Variants in NBEA observed in about 807,000 individuals in gnomAD.
NBEA encodes the protein lysosomal-trafficking regulator 2.
A neutral mutation model predicts 343.4 loss-of-function variants in NBEA; 44 were observed. The ratio of observed to expected loss-of-function variants is 0.13; its 90% confidence interval spans 0.10 to 0.16. The LOEUF (loss-of-function observed/expected upper bound fraction) is 0.16. Ranked by LOEUF, NBEA falls within the 10% of genes least tolerant of loss-of-function variation. The pLI is 1.00. For synonymous variants in NBEA, 1,175 were observed against 1,238.7 expected, an observed-to-expected ratio of 0.95 and a Z score of 1.08; for missense variants, 2,555 against 3,631.3, an observed-to-expected ratio of 0.70 and a Z score of 7.62.
intron 17 of NBEA, among the ~76,000 whole-genome samples, chr13:35,129,623 G>A (rs568399495): frequency 7.9e-5 from 12 of 151,928 alleles, no homozygotes; most frequent in Non-Finnish European, 1.8e-4. Context: ...ATTAAGAGAG[G>A]GGGAAAAAAG....
chr13:35,039,786 A>G (rs913256447), intron 1 of NBEA, among the ~76,000 whole-genome samples: 1 of 152,096 alleles, frequency 6.6e-6, no homozygotes, highest in Admixed American at 6.6e-5. Flanking sequence ...CTTGATCCTA[A>G]TTCTACTCCC....
intron 49 of NBEA, among the ~76,000 whole-genome samples, chr13:35,640,534 A>G (rs1452472234): frequency 6.6e-6 from 1 of 152,198 alleles, no homozygotes; most frequent in Non-Finnish European, 1.5e-5. Context: ...AGAAAGACTC[A>G]AGAGAACTTG....
chr13:35,093,194 A>T (rs562532265), intron 10 of NBEA, among the ~76,000 whole-genome samples: 1 of 152,116 alleles, frequency 6.6e-6, no homozygotes, highest in South Asian at 2.1e-4. Flanking sequence ...AGGTGTGGCT[A>T]TAAAGCTGAA....
chr13:35,455,886 C>T (rs1193805930), intron 40 of NBEA, among the ~76,000 whole-genome samples: 1 of 151,902 alleles, frequency 6.6e-6, no homozygotes, highest in Non-Finnish European at 1.5e-5. Context: ...CTAAAATATA[C>T]CAAATAGTAC....
At chr13:35,019,817 T>A (rs991142609) in intron 1 of NBEA, among the ~76,000 whole-genome samples, 4 of 152,234 alleles carry the variant, frequency 2.6e-5, no homozygotes, top group African/African-American at 9.6e-5. Flanking sequence ...GAATAACTTA[T>A]CTCTTCATAG....
At chr13:35,412,717 G>A (rs185561990) in intron 38 of NBEA, among the ~76,000 whole-genome samples, 1 of 152,184 alleles carries the variant, frequency 6.6e-6, no homozygotes, top group Non-Finnish European at 1.5e-5. Flanking sequence ...TTTTAGAGAG[G>A]CAGGAAACAG....
intron 44 of NBEA, among the ~76,000 whole-genome samples, chr13:35,555,664 G>A (rs974196302): frequency 3.9e-5 from 6 of 152,094 alleles, no homozygotes; most frequent in African/African-American, 1.4e-4. Flanking sequence ...GTGGTTGTCA[G>A]TGGTTAAACA....
Position 35,316,418 on chromosome 13 carries a change from C to T in NBEA, c.5903+6826C>T, listed in dbSNP as rs540875164. Among the ~76,000 whole-genome samples the T allele has an allele frequency of 5.3e-5, 8 of 152,240 alleles. No individual in the cohort carries two copies. The East Asian group carries it at 1.5e-3, about 29-fold the overall frequency. On this transcript the variant is annotated intron_variant, in intron 36 of 58. Coordinates refer to ENST00000379939, the MANE Select transcript of NBEA (RefSeq NM_001385012.1). ...TGATGGTTCCCAGCTTCATCCATGT[C>T]CCTGCAAAGGACATGAACTCATCTT...
intron 38 of NBEA, among the ~76,000 whole-genome samples, chr13:35,412,247 A>G (rs1420018715): frequency 1.3e-5 from 2 of 152,162 alleles, no homozygotes; most frequent in East Asian, 1.9e-4. Flanking sequence ...TTGCGGTACT[A>G]TATATCACTG....
At chr13:35,110,724 C>T in intron 12 of NBEA, 86 bp from the exon 13 acceptor site, 1 of 1,088,818 alleles carries the variant, frequency 9.2e-7, no homozygotes, top group Non-Finnish European at 1.3e-6. Context: ...TACTAATTCA[C>T]ATTTAAATTA....
chr13:35,290,101 C>T (rs567641730), intron 34 of NBEA, among the ~76,000 whole-genome samples: 1 of 151,702 alleles, frequency 6.6e-6, no homozygotes, highest in East Asian at 1.9e-4. Flanking sequence ...AATGCCTCAA[C>T]CAAATAAACA....
At chr13:35,154,202 G>GC (rs1407466220) in intron 18 of NBEA, among the ~76,000 whole-genome samples, 1 of 152,088 alleles carries the variant, frequency 6.6e-6, no homozygotes, top group East Asian at 1.9e-4. Context: ...TTATGTAAAT[G>GC]TCCTGTCTTA....
chr13:35,271,062 C>G (rs901123493), intron 34 of NBEA, among the ~76,000 whole-genome samples: 2 of 152,202 alleles, frequency 1.3e-5, no homozygotes, highest in Non-Finnish European at 2.9e-5. Context: ...GGTCCCTGAC[C>G]CCCATGTAGC....
chr13:35,423,722 T>A (rs960799975), intron 38 of NBEA, among the ~76,000 whole-genome samples: 5 of 152,178 alleles, frequency 3.3e-5, no homozygotes, highest in Non-Finnish European at 5.9e-5. Context: ...TGGCATTGAA[T>A]CTATAAATTA....
chr13:35,403,914 AAAC>A (rs1275263557), intron 38 of NBEA, among the ~76,000 whole-genome samples: 1 of 152,160 alleles, frequency 6.6e-6, no homozygotes, highest in Admixed American at 6.5e-5. Flanking sequence ...TACAAGAAAA[AAAC>A]AACACCATCA....
At chr13:34,964,613 T>C (rs980323405) in intron 1 of NBEA, among the ~76,000 whole-genome samples, 2 of 152,000 alleles carry the variant, frequency 1.3e-5, no homozygotes, top group African/African-American at 4.8e-5. Flanking sequence ...GAGAGTGATG[T>C]TGGGGCCCAA....
chr13:35,652,315 G>T (rs1307865308), intron 53 of NBEA, among the ~76,000 whole-genome samples: 1 of 146,498 alleles, frequency 6.8e-6, no homozygotes, highest in African/African-American at 2.5e-5. Context: ...TGCACATTGT[G>T]CACATGTACC....
chr13:35,194,414 C>G (rs1227020821), intron 30 of NBEA, among the ~76,000 whole-genome samples: 1 of 152,006 alleles, frequency 6.6e-6, no homozygotes, highest in Non-Finnish European at 1.5e-5. Flanking sequence ...TTCAAAGAAA[C>G]AAGCAAATAA....
At chr13:35,192,880 T>G (rs981182546) in intron 30 of NBEA, among the ~76,000 whole-genome samples, 6 of 152,054 alleles carry the variant, frequency 3.9e-5, no homozygotes, top group Middle Eastern at 3.4e-3. Flanking sequence ...ACTTTTTGTA[T>G]AGCTGTTAAT....
Sources: allele counts gnomAD v4.1 joint callset (sites outside exome capture counted in the v4.1 genomes callset), GRCh38; gene constraint gnomAD v4.1.1; transcripts MANE v1.5; gene names NCBI Gene and HGNC (gene_info 2026-07-23, HGNC 2026-07-21).